CC2D2B: variants seen among roughly 807,000 people sequenced by gnomAD.
CC2D2B encodes the protein coiled-coil and C2 domain containing 2B.
A neutral mutation model predicts 161.2 loss-of-function variants in CC2D2B; 128 were observed. The ratio of observed to expected loss-of-function variants is 0.79; its 90% confidence interval spans 0.69 to 0.92. The LOEUF (loss-of-function observed/expected upper bound fraction) is 0.92, where lower values mean the gene tolerates loss of function less well. Among genes scored for constraint, CC2D2B ranks in the 40% least tolerant of loss-of-function variants. CC2D2B has a pLI of 0.00. For missense variants in CC2D2B, 1,173 were observed against 1,375.1 expected (o/e 0.85, Z 2.32); for synonymous variants, 391 against 449.8 (o/e 0.87, Z 1.65).
chr10:95,927,042 A>G (rs2098540683), intron 5 of CC2D2B, among the ~76,000 whole-genome samples, 195 bp from the exon 6 acceptor site: 1 of 152,182 alleles, frequency 6.6e-6, no homozygotes. Flanking sequence ...TTACCCGAAC[A>G]TTAGAAACAA....
chr10:96,014,939 T>C (rs1381041905), intron 29 of CC2D2B, among the ~76,000 whole-genome samples: 1 of 152,174 alleles, frequency 6.6e-6, no homozygotes, highest in South Asian at 2.1e-4. Context: ...TGTTAAAACA[T>C]TGCAATGCTT....
Position 95,915,796 on chromosome 10 carries a change from C to T in CC2D2B, c.36+4437C>T, listed in dbSNP as rs143628450. ...GATCTCTTTAATATGATGTTGAATT[C>T]GGCTTGCTAGTATTTTGTTGAGGAT... On this transcript the variant is annotated intron_variant, in intron 2 of 34. Transcript: ENST00000646931. Among the ~76,000 whole-genome samples, 231 of 152,158 alleles carry T rather than the reference C, an allele frequency of 1.5e-3. 8 individuals carry two copies. The East Asian group carries it at 0.042, about 28-fold the overall frequency.
chr10:95,995,463 C>A, intron 23 of CC2D2B, 98 bp downstream of exon 23: 2 of 623,800 alleles, frequency 3.2e-6, no homozygotes, highest in Non-Finnish European at 5.1e-6. Flanking sequence ...TTTTCTTTGG[C>A]TTCCAGTTTA....
At chr10:95,943,441 G>A (rs1413288594) in intron 9 of CC2D2B, among the ~76,000 whole-genome samples, 4 of 152,120 alleles carry the variant, frequency 2.6e-5, no homozygotes, top group African/African-American at 9.7e-5. Context: ...TGGTTTTGCT[G>A]TCTAGTTGCT....
At position 95,993,847 on chromosome 10, in the gene CC2D2B, T is replaced by G. The variant is rs1368990647; in HGVS notation, c.2642+1150T>G. Among the ~76,000 whole-genome samples, 68 of 106,212 alleles carry G rather than the reference T, an allele frequency of 6.4e-4. 1 individual carries two copies. The highest frequency in any genetic ancestry group is 4.5e-3 in the South Asian group (12 of 2,682). The allele number at this position is 106,212 out of a possible 152,430, so 69.7% of individuals were successfully genotyped here. ...TATATAAAGAGTGTATATATATATA[T>G]ATATAGAGAGAGAGAGAGAGAGAGT... On this transcript the variant is annotated intron_variant, in intron 22 of 34. Transcript: ENST00000646931.
chr10:96,028,130 C>T (rs2079863501), intron 34 of CC2D2B, among the ~76,000 whole-genome samples: 1 of 152,042 alleles, frequency 6.6e-6, no homozygotes, highest in Non-Finnish European at 1.5e-5. Flanking sequence ...AAAAAATGGA[C>T]AAATGGGATC....
rs759521157 is a variant in CC2D2B, at chr10:96,031,888, T to C, written c.4194T>C (p.Thr1398=). The change falls in exon 35 of 35, where the codon ACT becomes ACC. Residue 1398 remains threonine (T), a synonymous_variant. Coordinates refer to ENST00000646931, the MANE Select transcript of CC2D2B (RefSeq NM_001349008.3). Reference sequence around the variant, plus strand: ...CAATTATTGATGCTGTTTATCAAACTGGAATTCACTCTGCTGAATTTCCCC... The same window carrying C: ...CAATTATTGATGCTGTTTATCAAACCGGAATTCACTCTGCTGAATTTCCCC... ...VQSIIDAVYQ[T]GIHSAEFPQT... 1.2e-6 allele frequency: 2 copies of C among 1,613,646 alleles called. No individual in the cohort carries two copies. Among genetic ancestry groups the C allele is most frequent in the Admixed American group, 3.3e-5 (2 of 59,986 alleles).
At chr10:95,997,273 G>T in intron 24 of CC2D2B, among the ~76,000 whole-genome samples, 1 of 151,698 alleles carries the variant, frequency 6.6e-6, no homozygotes. Context: ...TCTAATTTTT[G>T]CCATTACAAG....
In CC2D2B at chr10:95,991,417, C is replaced by A; in HGVS notation, c.2427C>A (p.Asn809Lys). 8.7e-7 allele frequency: 1 copy of A among 1,152,826 alleles called. No homozygotes were observed. Among genetic ancestry groups the A allele is most frequent in the Non-Finnish European group, 1.1e-6 (1 of 915,442 alleles). The allele number at this position is 1,152,826 out of a possible 1,614,324, so 71.4% of individuals were successfully genotyped here. A position where few individuals can be genotyped will look rare whatever the true frequency, so the allele number is the denominator to read the frequency against. The change falls in exon 21 of 35, where the codon AAC (asparagine) becomes AAA (lysine). Residue 809 changes from asparagine to lysine, a missense_variant. This residue lies in a region of CC2D2B where 598 missense variants were observed against 693.2 expected (regional missense o/e 0.86). Transcript: ENST00000646931. ...GAATTGTTAAAATTAGCAAATGTAA[C>A]TTGTCAGATATTGTGAATGATTATG... Reference protein sequence around the residue: ...MKRIVKISKCNLSDIVNDYEE... With the variant: ...MKRIVKISKCKLSDIVNDYEE...
chr10:96,012,599 C>T lies in CC2D2B; in HGVS notation c.3296C>T (p.Pro1099Leu), dbSNP rs1253047317. ...AAAAAGAATTGTAAGGCAATGTTTC[C>T]CAACCGAAGAATCGTAACTACTGTT... ...IFKKNCKAMF[P>L]NRRIVTTVFN... The change falls in exon 28 of 35, where the codon CCC becomes CTC. Residue 1099 changes from proline (P) to leucine (L), a missense_variant. Physicochemically the swap from Pro to Leu is moderately conservative, Grantham distance 98. Coordinates refer to ENST00000646931, the MANE Select transcript of CC2D2B (RefSeq NM_001349008.3). 1.1e-5 allele frequency: 18 copies of T among 1,613,098 alleles called. No homozygotes were observed. The highest frequency in any genetic ancestry group is 1.5e-5 in the Non-Finnish European group (18 of 1,179,240).
chr10:96,016,303 T>C lies in CC2D2B; in HGVS notation c.3619T>C (p.Ser1207Pro). 1.3e-6 allele frequency: 2 copies of C among 1,599,758 alleles called. No homozygotes were observed. The highest frequency in any genetic ancestry group is 1.7e-6 in the Non-Finnish European group (2 of 1,166,960). The change falls in exon 30 of 35, where the codon TCA (serine) becomes CCA (proline). Residue 1207 changes from serine (S) to proline (P), a missense_variant. This residue lies in a region of CC2D2B where 598 missense variants were observed against 693.2 expected (regional missense o/e 0.86). Transcript: ENST00000646931. ...GKKALVLLGTSVLEGHVAYVV... is the reference protein window; with the variant it reads ...GKKALVLLGTPVLEGHVAYVV... ...GAAGGCACTGGTCCTCTTGGGAACG[T>C]CAGTGTTAGAAGTAAGTGCTGGAGT...
chr10:95,971,107 G>C (rs1426183158), intron 15 of CC2D2B, among the ~76,000 whole-genome samples: 1 of 152,100 alleles, frequency 6.6e-6, no homozygotes. Context: ...AGTTTGCTTA[G>C]ACTGGGTGCA....
chr10:95,915,061 C>A (rs2098513598), intron 2 of CC2D2B, among the ~76,000 whole-genome samples: 1 of 152,094 alleles, frequency 6.6e-6, no homozygotes, highest in African/African-American at 2.4e-5. Context: ...AAATATCTTT[C>A]CATTTTTTGT....
intron 5 of CC2D2B, among the ~76,000 whole-genome samples, chr10:95,926,947 A>G (rs2098540500): frequency 6.6e-6 from 1 of 151,928 alleles, no homozygotes; most frequent in African/African-American, 2.4e-5. Flanking sequence ...CATTTTGGTC[A>G]AACTCTTATC....
intron 16 of CC2D2B, among the ~76,000 whole-genome samples, chr10:95,972,563 C>A (rs867960115): frequency 1.3e-5 from 2 of 152,210 alleles, no homozygotes; most frequent in South Asian, 4.1e-4. Context: ...ATCCGCCCCC[C>A]TCAGCCTCCC....
intron 17 of CC2D2B, among the ~76,000 whole-genome samples, chr10:95,979,565 A>G (rs1204976702): frequency 2.0e-5 from 3 of 152,194 alleles, no homozygotes; most frequent in African/African-American, 7.2e-5. Flanking sequence ...TGAGCCCACA[A>G]CCACCATGGA....
At chr10:95,960,892 A>G (rs555261135) in intron 11 of CC2D2B, among the ~76,000 whole-genome samples, 33 of 152,252 alleles carry the variant, frequency 2.2e-4, no homozygotes, top group African/African-American at 7.9e-4. Flanking sequence ...CTCAAACTCT[A>G]TGGTGCTAGG....
intron 9 of CC2D2B, among the ~76,000 whole-genome samples, chr10:95,945,656 T>C (rs2076169991): frequency 6.6e-6 from 1 of 152,180 alleles, no homozygotes; most frequent in Non-Finnish European, 1.5e-5. Context: ...ATCTTTATGC[T>C]TTTGGTAGAA....
At chr10:95,956,909 T>A (rs2076584938) in intron 11 of CC2D2B, among the ~76,000 whole-genome samples, 1 of 152,200 alleles carries the variant, frequency 6.6e-6, no homozygotes, top group South Asian at 2.1e-4. Context: ...ATTGGCTTTT[T>A]AAAAAATGTT....
Sources: allele counts gnomAD v4.1 joint callset (sites outside exome capture counted in the v4.1 genomes callset), GRCh38; gene constraint gnomAD v4.1.1; regional missense constraint gnomAD v4.1.1; transcripts MANE v1.5; gene names NCBI Gene and HGNC (gene_info 2026-07-23, HGNC 2026-07-21).